CNTLN: variants seen among roughly 807,000 people sequenced by gnomAD.
CNTLN encodes centlein, centrosomal protein.
CNTLN carries 212 observed loss-of-function variants against 180.0 expected under a neutral mutation model. That is an observed-to-expected ratio of 1.18 (90% CI 1.05 to 1.32). CNTLN has a LOEUF of 1.32. CNTLN is among the 40% of genes most tolerant of loss of function. The pLI, the probability that CNTLN is intolerant of heterozygous loss-of-function variation, is 0.00. For missense variants in CNTLN, 2,095 were observed against 1,610.9 expected (o/e 1.30, Z -5.14); for synonymous variants, 722 against 563.1 (o/e 1.28, Z -3.99).
At chr9:17,335,478 C>G (rs1820951825) in intron 10 of CNTLN, among the ~76,000 whole-genome samples, 1 of 152,156 alleles carries the variant, frequency 6.6e-6, no homozygotes, top group African/African-American at 2.4e-5. Context: ...GATCGTACCA[C>G]TGCACTCCAG....
At chr9:17,348,135 C>G (rs1226658219) in intron 12 of CNTLN, among the ~76,000 whole-genome samples, 2 of 152,036 alleles carry the variant, frequency 1.3e-5, no homozygotes, top group Non-Finnish European at 2.9e-5. Context: ...CCACCAAAAC[C>G]CATTTTATGA....
the CNTLN span, among the ~76,000 whole-genome samples, chr9:17,515,041 A>G: frequency 7.2e-5 from 11 of 152,256 alleles, no homozygotes; most frequent in South Asian, 1.9e-3. Context: ...TGTTTATTCC[A>G]TTGTCATTTT....
intron 23 of CNTLN, 67 bp from the exon 24 acceptor site, chr9:17,484,228 A>G: frequency 8.1e-7 from 1 of 1,234,282 alleles, no homozygotes; most frequent in Non-Finnish European, 1.1e-6. Context: ...TCATATTTTT[A>G]TGTTATTACT....
intron 23 of CNTLN, among the ~76,000 whole-genome samples, chr9:17,470,928 A>T (rs1832015266): frequency 6.6e-6 from 1 of 152,064 alleles, no homozygotes; most frequent in African/African-American, 2.4e-5. Context: ...GGAGCATTAG[A>T]ATTTTAATTT....
In CNTLN at chr9:17,416,197, G is replaced by T. The variant is rs770655372; in HGVS notation, c.3114+8G>T. The T allele has an allele frequency of 3.7e-6, 6 of 1,600,376 alleles. No homozygotes were observed. In the Admixed American group the frequency reaches 5.1e-5, roughly 14 times the overall value. ...AGCAGGCAGACAATAAAGGTAAAGAGAACTTTAAGATTGAACAGTAGTATA... is the reference window on the plus strand; with the variant it reads ...AGCAGGCAGACAATAAAGGTAAAGATAACTTTAAGATTGAACAGTAGTATA... On this transcript the variant is annotated splice_region_variant and intron_variant, in intron 18 of 25. Coordinates refer to ENST00000380647, the MANE Select transcript of CNTLN (RefSeq NM_017738.4).
intron 15 of CNTLN, among the ~76,000 whole-genome samples, chr9:17,395,518 G>C (rs1826450423): frequency 6.6e-6 from 1 of 152,102 alleles, no homozygotes; most frequent in Non-Finnish European, 1.5e-5. Flanking sequence ...GATAAATTTT[G>C]AATGACCCAT....
intron 2 of CNTLN, among the ~76,000 whole-genome samples, chr9:17,144,418 T>G (rs572380637): frequency 1.3e-5 from 2 of 152,230 alleles, no homozygotes; most frequent in African/African-American, 4.8e-5. Context: ...ACTCCCTCTG[T>G]TTTTTTAGTA....
chr9:17,322,403 C>T (rs934855691), intron 8 of CNTLN, among the ~76,000 whole-genome samples: 2 of 152,024 alleles, frequency 1.3e-5, no homozygotes, highest in Admixed American at 6.6e-5. Context: ...CACTATCCTG[C>T]ATGAAAAATA....
chr9:17,210,703 G>A (rs941860199), intron 2 of CNTLN, among the ~76,000 whole-genome samples: 44 of 151,142 alleles, frequency 2.9e-4, no homozygotes, highest in African/African-American at 9.5e-4. Flanking sequence ...CTGTTTCTCC[G>A]CATCCAGCAC....
chr9:17,260,282 G>A (rs931499203), intron 5 of CNTLN, among the ~76,000 whole-genome samples: 7 of 150,192 alleles, frequency 4.7e-5, no homozygotes, highest in Admixed American at 2.0e-4. Context: ...GTAGTTGAGC[G>A]GTTTTGAGTG....
At position 17,466,031 on chromosome 9, in the gene CNTLN, A is replaced by C; in HGVS notation, c.3582A>C (p.Ser1194=). ...ECSNKKVSID[S]LKQRLNVAVK... ...CCAACAAGAAGGTATCAATTGATTC[A>C]CTAAAGCAAAGACTTAACGTTGCTG... is the stretch of plus-strand genomic sequence containing the variant. The change falls in exon 22 of 26, where the codon TCA becomes TCC. Residue 1194 remains serine (S), a synonymous_variant. Coordinates refer to ENST00000380647, the MANE Select transcript of CNTLN (RefSeq NM_017738.4). 1 of 1,605,442 alleles carries C rather than the reference A, an allele frequency of 6.2e-7. No individual in the cohort carries two copies. The highest frequency in any genetic ancestry group is 8.5e-7 in the Non-Finnish European group (1 of 1,173,674).
Position 17,343,652 on chromosome 9 carries a change from T to A in CNTLN, c.1886+1208T>A, listed in dbSNP as rs550374244. 1.6e-4 allele frequency among the ~76,000 whole-genome samples: 24 copies of A among 152,302 alleles called. No homozygotes were observed. The South Asian group carries it at 5.0e-3, about 32-fold the overall frequency. On this transcript the variant is annotated intron_variant, in intron 12 of 25. Transcript: ENST00000380647. ...GATTTGTCTCAGAGGCATTTCCTAA[T>A]AATTTCAGTAGCTTTATTGAAATAT... is the stretch of plus-strand genomic sequence containing the variant.
At chr9:17,332,546 A>G in intron 9 of CNTLN, 59 bp from the exon 10 acceptor site, 1 of 1,494,964 alleles carries the variant, frequency 6.7e-7, no homozygotes, top group East Asian at 2.5e-5. Context: ...TTAATTTTGC[A>G]TGTCTTTCAT....
rs56376464 is a variant in CNTLN, at chr9:17,334,420, T to TACACAC, written c.1644+1712_1644+1717dup. Among the ~76,000 whole-genome samples the TACACAC allele has an allele frequency of 6.3e-4, 94 of 149,828 alleles. 1 individual carries two copies. Among genetic ancestry groups the TACACAC allele is most frequent in the African/African-American group, 2.1e-3 (84 of 40,854 alleles). ...CTCCAGAGAAACAGAGCCAATAGAA[T>TACACAC]ACACACACACACACACACACACACA... is the stretch of plus-strand genomic sequence containing the variant. On this transcript the variant is annotated intron_variant, in intron 10 of 25. Transcript: ENST00000380647.
intron 5 of CNTLN, among the ~76,000 whole-genome samples, chr9:17,264,095 G>A (rs1356652066): frequency 1.4e-5 from 2 of 144,630 alleles, no homozygotes; most frequent in Non-Finnish European, 3.0e-5. Context: ...TGCTTTTGTT[G>A]TTTCAGACAT....
chr9:17,404,614 C>A (rs990742558), intron 15 of CNTLN, among the ~76,000 whole-genome samples: 1 of 151,718 alleles, frequency 6.6e-6, no homozygotes, highest in African/African-American at 2.4e-5. Flanking sequence ...TCATTATACA[C>A]CTGTTAGTAC....
At chr9:17,340,386 T>G (rs1052185865) in intron 10 of CNTLN, among the ~76,000 whole-genome samples, 5 of 152,204 alleles carry the variant, frequency 3.3e-5, no homozygotes, top group African/African-American at 1.2e-4. Context: ...TAAATATTAG[T>G]TATGAATTCA....
At chr9:17,159,589 G>A (rs1175089080) in intron 2 of CNTLN, among the ~76,000 whole-genome samples, 1 of 152,170 alleles carries the variant, frequency 6.6e-6, no homozygotes, top group African/African-American at 2.4e-5. Flanking sequence ...ACTTGCGTTG[G>A]ACTTAGCCTC....
chr9:17,184,809 A>G (rs1282666502), intron 2 of CNTLN, among the ~76,000 whole-genome samples: 2 of 152,192 alleles, frequency 1.3e-5, no homozygotes, highest in Admixed American at 6.5e-5. Flanking sequence ...TCAAAACCTG[A>G]TAAGGACTAA....
Sources: allele counts gnomAD v4.1 joint callset (sites outside exome capture counted in the v4.1 genomes callset), GRCh38; gene constraint gnomAD v4.1.1; transcripts MANE v1.5; gene names NCBI Gene and HGNC (gene_info 2026-07-23, HGNC 2026-07-21).